The following RBBP8NL variants were observed in gnomAD, a reference collection of about 807,000 sequenced individuals.
RBBP8NL encodes the protein RBBP8 N-terminal-like protein.
In RBBP8NL, 59 loss-of-function variants were observed where a neutral mutation model predicts 62.2. The observed-to-expected ratio is 0.95, with a 90% CI of 0.77 to 1.18. The LOEUF (loss-of-function observed/expected upper bound fraction) is 1.18. RBBP8NL is among the 50% of genes most tolerant of loss of function. The pLI is 0.00. For synonymous variants in RBBP8NL, 412 were observed against 394.1 expected, an observed-to-expected ratio of 1.05 and a Z score of -0.54; for missense variants, 896 against 899.5, an observed-to-expected ratio of 1.00 and a Z score of 0.05.
At chr20:62,416,056 C>T in intron 6 of RBBP8NL, 108 bp downstream of exon 6, 3 of 1,470,862 alleles carry the variant, frequency 2.0e-6, no homozygotes, top group Non-Finnish European at 2.8e-6. Flanking sequence ...TGTCCCGACA[C>T]TGCCTGAGAG....
chr20:62,415,501 T>G (rs1034916573), intron 8 of RBBP8NL, 77 bp downstream of exon 8: 2 of 1,509,072 alleles, frequency 1.3e-6, no homozygotes, highest in Admixed American at 1.7e-5. Context: ...GCTGGCATAC[T>G]GAAAGTGCAG....
rs924901459 is a variant in RBBP8NL, at chr20:62,420,719, C to T, written c.-83-989G>A. On this transcript the variant is annotated intron_variant, in intron 1 of 13. Transcript: ENST00000252998. ...CACAGCAGCCCCCTCTGCCCGGAAG[C>T]GGCTCCCACACGCAGATGCTGGAAG... Among the ~76,000 whole-genome samples the T allele has an allele frequency of 4.6e-5, 7 of 152,346 alleles. No individual in the cohort carries two copies. The East Asian group carries it at 5.8e-4, about 13-fold the overall frequency.
intron 11 of RBBP8NL, among the ~76,000 whole-genome samples, chr20:62,413,189 G>A (rs1481940163): frequency 6.6e-6 from 1 of 152,266 alleles, no homozygotes; most frequent in Non-Finnish European, 1.5e-5. Context: ...CCCTCACTGA[G>A]TGTTGTTAGA....
chr20:62,426,637 G>A (rs1024856488), intron 1 of RBBP8NL, among the ~76,000 whole-genome samples: 1 of 152,022 alleles, frequency 6.6e-6, no homozygotes, highest in African/African-American at 2.4e-5. Flanking sequence ...CGGCCAGGTC[G>A]CTTGTCTGGC....
At chr20:62,416,911 C>T (rs374200972) in intron 4 of RBBP8NL, 39 bp from the exon 5 acceptor site, 45 of 1,456,960 alleles carry the variant, frequency 3.1e-5, no homozygotes, top group Admixed American at 1.8e-4. Context: ...AGGGATGGCA[C>T]GGAAGCCACA....
At chr20:62,412,574 C>T in intron 13 of RBBP8NL, 50 bp downstream of exon 13, 1 of 1,584,946 alleles carries the variant, frequency 6.3e-7, no homozygotes, top group Non-Finnish European at 8.5e-7. Flanking sequence ...GAGGTGGGTG[C>T]TGTGGCTCCC....
intron 5 of RBBP8NL, 48 bp from the exon 6 acceptor site, chr20:62,416,284 G>GT: frequency 7.9e-7 from 1 of 1,267,322 alleles, no homozygotes; most frequent in South Asian, 1.3e-5. Context: ...GGGGGGGACA[G>GT]GGGCAGGGGT....
intron 11 of RBBP8NL, 86 bp from the exon 12 acceptor site, chr20:62,412,986 C>T (rs1988470498): frequency 2.0e-6 from 3 of 1,464,088 alleles, no homozygotes; most frequent in South Asian, 1.2e-5. Flanking sequence ...GTGGAGCCAA[C>T]TCTGCAGATG....
At chr20:62,423,924 T>C (rs370879005) in intron 1 of RBBP8NL, among the ~76,000 whole-genome samples, 3 of 152,236 alleles carry the variant, frequency 2.0e-5, no homozygotes, top group African/African-American at 7.2e-5. Context: ...TGGCTTTTTC[T>C]TCCCGAGTCA....
At position 62,414,061 on chromosome 20, in the gene RBBP8NL, AGCCTCTGTCCTCTGGGCGCG is replaced by A; in HGVS notation, c.1270_1289del (p.Arg424CysfsTer102). On this transcript the variant is annotated frameshift_variant, in exon 10 of 14. Transcript: ENST00000252998. LOFTEE classifies it high-confidence loss of function. ...CTAGGGCACAGTCCTGCGTGGCTGC[AGCCTCTGTCCTCTGGGCGCG>A]GCCCGGGCCTGCAGGCTGTGTGTGC... is the stretch of plus-strand genomic sequence containing the variant. 6.3e-7 allele frequency: 1 copy of A among 1,595,616 alleles called. No individual in the cohort carries two copies. Among genetic ancestry groups the A allele is most frequent in the South Asian group, 1.1e-5 (1 of 88,550 alleles).
At chr20:62,412,585 C>T in intron 13 of RBBP8NL, 39 bp downstream of exon 13, 1 of 1,593,160 alleles carries the variant, frequency 6.3e-7, no homozygotes, top group Non-Finnish European at 8.5e-7. Context: ...TGTGGCTCCC[C>T]TCGCCCCCTT....
intron 13 of RBBP8NL, among the ~76,000 whole-genome samples, chr20:62,411,413 C>G (rs1267204524): frequency 1.3e-5 from 2 of 152,224 alleles, no homozygotes; most frequent in African/African-American, 2.4e-5. Context: ...TGGGCTTAGG[C>G]CATCTCTGAG....
intron 11 of RBBP8NL, among the ~76,000 whole-genome samples, chr20:62,413,190 T>C (rs1034846877): frequency 1.3e-5 from 2 of 152,142 alleles, no homozygotes; most frequent in African/African-American, 4.8e-5. Context: ...CCTCACTGAG[T>C]GTTGTTAGAG....
At chr20:62,416,294 T>TGGGGGGGGGGGGGGGGGGGGGGG in intron 5 of RBBP8NL, 58 bp from the exon 6 acceptor site, 5 of 515,292 alleles carry the variant, frequency 9.7e-6, no homozygotes, top group East Asian at 9.4e-5. Flanking sequence ...GGGGCAGGGG[T>TGGGGGGGGGGGGGGGGGGGGGGG]GGGGTCGTCA....
At position 62,410,798 on chromosome 20, in the gene RBBP8NL, T is replaced by C. The variant is rs1988415402; in HGVS notation, c.*80A>G. On this transcript the variant is annotated 3_prime_UTR_variant, in exon 14 of 14. Transcript: ENST00000252998. ...GTTCTGTGCAGGGCTGCCTGCTGGT[T>C]GGATGGTGTGCCCTCTCCAGGCCCT... The C allele has an allele frequency of 3.2e-6, 3 of 928,842 alleles. No homozygotes were observed. The highest frequency in any genetic ancestry group is 3.4e-6 in the Non-Finnish European group (2 of 587,678). The allele number at this position is 928,842 out of a possible 1,614,324, so 57.5% of individuals were successfully genotyped here. A position where few individuals can be genotyped will look rare whatever the true frequency, so the allele number is the denominator to read the frequency against.
At position 62,416,591 on chromosome 20, in the gene RBBP8NL, C is replaced by T. The variant is rs148816748; in HGVS notation, c.313+169G>A. On this transcript the variant is annotated intron_variant, in intron 5 of 13. Transcript: ENST00000252998. ...TGTTGAGGGAGGGCCACACCAGCGC[C>T]GGCTGGGGGCTTTGTGTGTTTGTCT... Among the ~76,000 whole-genome samples the T allele has an allele frequency of 4.4e-3, 671 of 152,272 alleles. 5 individuals carry two copies. Among genetic ancestry groups the T allele is most frequent in the African/African-American group, 0.015 (639 of 41,544 alleles).
intron 5 of RBBP8NL, 52 bp from the exon 6 acceptor site, chr20:62,416,288 CAGGGG>C: frequency 4.8e-6 from 1 of 206,530 alleles, no homozygotes; most frequent in Non-Finnish European, 9.4e-6. Flanking sequence ...GGGACAGGGG[CAGGGG>C]TGGGGTCGTC....
rs1011925049 is a variant in RBBP8NL at position 62,426,636 on chromosome 20, CG to C, written c.-84+823del. On this transcript the variant is annotated intron_variant, in intron 1 of 13. Transcript: ENST00000252998. ...TCTCCCATGGAGACTTCGGCCAGGT[CG>C]CTTGTCTGGCCGTGCCTCAGTTTCT... Among the ~76,000 whole-genome samples the C allele has an allele frequency of 7.1e-4, 108 of 152,228 alleles. 1 individual carries two copies. Among genetic ancestry groups the C allele is most frequent in the African/African-American group, 2.6e-3 (108 of 41,462 alleles).
rs138766868 is a variant in RBBP8NL at position 62,424,065 on chromosome 20, G to A, written c.-84+3395C>T. On this transcript the variant is annotated intron_variant, in intron 1 of 13. Coordinates refer to ENST00000252998, the MANE Select transcript of RBBP8NL (RefSeq NM_080833.3). ...GCTGTGATGGGGGAGCAAGCCTACC[G>A]GGGCGGGGAGGGGCTGGGCTGAGGC... Among the ~76,000 whole-genome samples the A allele has an allele frequency of 5.7e-4, 87 of 151,846 alleles. No individual in the cohort carries two copies. In the Middle Eastern group the frequency reaches 0.014, roughly 24 times the overall value.
Sources: allele counts gnomAD v4.1 joint callset (sites outside exome capture counted in the v4.1 genomes callset), GRCh38; gene constraint gnomAD v4.1.1; transcripts MANE v1.5; gene names NCBI Gene and HGNC (gene_info 2026-07-23, HGNC 2026-07-21).